PTPRD: variants seen among roughly 807,000 people sequenced by gnomAD.
PTPRD encodes the protein receptor-type tyrosine-protein phosphatase delta.
Under a neutral mutation model 214.5 loss-of-function variants are expected in PTPRD, and 34 were observed. The ratio of observed to expected loss-of-function variants is 0.16; its 90% CI spans 0.12 to 0.21. The LOEUF is 0.21. Among genes scored for constraint, PTPRD ranks in the 10% least tolerant of loss-of-function variants. The pLI is 1.00. For synonymous variants in PTPRD, 1,128 were observed against 845.7 expected (o/e 1.33, Z -5.79); for missense variants, 2,545 against 2,398.7 (o/e 1.06, Z -1.27).
chr9:8,968,836 C>A (rs2099217422), intron 11 of PTPRD, among the ~76,000 whole-genome samples: 1 of 151,946 alleles, frequency 6.6e-6, no homozygotes, highest in South Asian at 2.1e-4. Context: ...AAAGCAAGAT[C>A]ATTGAGACAA....
At chr9:10,084,677 G>C (rs1217512379) in intron 3 of PTPRD, among the ~76,000 whole-genome samples, 1 of 150,192 alleles carries the variant, frequency 6.7e-6, no homozygotes, top group African/African-American at 2.5e-5. Flanking sequence ...TTTTTTTTTA[G>C]GTTTTACAAG....
chr9:9,331,371 T>C (rs961988007), intron 9 of PTPRD, among the ~76,000 whole-genome samples: 6 of 152,126 alleles, frequency 3.9e-5, no homozygotes, highest in African/African-American at 1.4e-4. Flanking sequence ...GGCTCATTCT[T>C]TCTCGGGATA....
intron 4 of PTPRD, among the ~76,000 whole-genome samples, chr9:10,027,789 A>C (rs1195263071): frequency 2.0e-5 from 3 of 152,214 alleles, no homozygotes; most frequent in Non-Finnish European, 1.5e-5. Context: ...TGAAGTTTCC[A>C]GTAAAAGGCA....
chr9:10,202,165 G>C (rs2099428689), intron 3 of PTPRD, among the ~76,000 whole-genome samples: 1 of 152,042 alleles, frequency 6.6e-6, no homozygotes. Context: ...AAGGAATTTA[G>C]TAAAATATAT....
rs2094499566 is a variant in PTPRD at position 9,963,643 on chromosome 9, CA to C, written c.-471-25034del. 2.0e-5 allele frequency among the ~76,000 whole-genome samples: 3 copies of C among 152,216 alleles called. No individual in the cohort carries two copies. In the South Asian group the frequency reaches 6.2e-4, roughly 32 times the overall value. On this transcript the variant is annotated intron_variant, in intron 4 of 45. Transcript: ENST00000381196. Reference sequence around the variant, plus strand: ...ACAACAAAATTTGGGTAGGTAGAGACAGTTGATGTTTAATCATGTAACAGAG... The same window carrying C: ...ACAACAAAATTTGGGTAGGTAGAGACGTTGATGTTTAATCATGTAACAGAG...
intron 9 of PTPRD, among the ~76,000 whole-genome samples, chr9:9,386,417 G>C (rs777462778): frequency 4.6e-5 from 7 of 152,124 alleles, no homozygotes; most frequent in African/African-American, 1.4e-4. Context: ...GCAAATAAGA[G>C]AATGAAGAGT....
intron 18 of PTPRD, 189 bp downstream of exon 18, chr9:8,524,734 CAA>C (rs751162238): frequency 8.2e-6 from 6 of 728,320 alleles, no homozygotes; most frequent in Non-Finnish European, 1.5e-5. Context: ...AGATTATACT[CAA>C]GAGTTGTCTT....
In PTPRD at chr9:9,781,697, G is replaced by A. The variant is rs190440352; in HGVS notation, c.-367-14846C>T. Among the ~76,000 whole-genome samples, 721 of 152,114 alleles carry A rather than the reference G, an allele frequency of 4.7e-3. 1 individual carries two copies. The highest frequency in any genetic ancestry group is 7.5e-3 in the Non-Finnish European group (508 of 67,990). On this transcript the variant is annotated intron_variant, in intron 5 of 45. Coordinates refer to ENST00000381196, the MANE Select transcript of PTPRD (RefSeq NM_002839.4). ...ATGAACTTTACAACTTTCTCGAAAA[G>A]ACTATTCTCTCTCTATCCAGTAGGT...
At chr9:10,396,974 T>C in intron 2 of PTPRD, among the ~76,000 whole-genome samples, 1 of 151,926 alleles carries the variant, frequency 6.6e-6, no homozygotes, top group Admixed American at 6.6e-5. Context: ...CAATTGCAGG[T>C]CACATACCTA....
At chr9:10,144,404 T>C (rs141472783) in intron 3 of PTPRD, among the ~76,000 whole-genome samples, 2,462 of 152,220 alleles carry the variant, frequency 0.016, 59 homozygotes, top group African/African-American at 0.056. Flanking sequence ...GCTGATCAAA[T>C]TTGAGCTGCT....
At chr9:8,352,884 G>A (rs1024376094) in intron 39 of PTPRD, among the ~76,000 whole-genome samples, 19 of 152,018 alleles carry the variant, frequency 1.2e-4, no homozygotes, top group South Asian at 2.1e-4. Context: ...AGGCTGAGGC[G>A]GACGGATCAC....
intron 10 of PTPRD, among the ~76,000 whole-genome samples, chr9:9,095,301 A>C (rs1223127982): frequency 6.6e-6 from 1 of 152,146 alleles, no homozygotes; most frequent in Non-Finnish European, 1.5e-5. Context: ...AATAGAAAGA[A>C]AAAAATAAAA....
intron 3 of PTPRD, among the ~76,000 whole-genome samples, chr9:10,318,098 T>C (rs903867014): frequency 1.2e-4 from 18 of 152,060 alleles, no homozygotes; most frequent in African/African-American, 4.3e-4. Flanking sequence ...TTGGCTAATA[T>C]TTTGACAGAA....
intron 3 of PTPRD, among the ~76,000 whole-genome samples, chr9:10,201,421 G>C (rs773184318): frequency 1.3e-5 from 2 of 151,976 alleles, no homozygotes; most frequent in Non-Finnish European, 2.9e-5. Context: ...AATGTTTAAA[G>C]CATAGATCTT....
At chr9:9,702,910 C>T (rs1462510570) in intron 7 of PTPRD, among the ~76,000 whole-genome samples, 1 of 152,116 alleles carries the variant, frequency 6.6e-6, no homozygotes, top group East Asian at 1.9e-4. Flanking sequence ...TCCGTAAAGC[C>T]AATCCATACA....
At chr9:9,079,556 G>C (rs2099756091) in intron 10 of PTPRD, among the ~76,000 whole-genome samples, 1 of 151,958 alleles carries the variant, frequency 6.6e-6, no homozygotes, top group African/African-American at 2.4e-5. Flanking sequence ...ATTTGTAGTT[G>C]TTTGAGGAAC....
At chr9:9,582,416 C>A (rs189185783) in intron 7 of PTPRD, among the ~76,000 whole-genome samples, 32 of 152,150 alleles carry the variant, frequency 2.1e-4, no homozygotes, top group African/African-American at 7.7e-4. Flanking sequence ...CTTTGTTTAT[C>A]AGACTCCCAA....
At position 8,595,970 on chromosome 9, in the gene PTPRD, A is replaced by G. The variant is rs181255290; in HGVS notation, c.352+37347T>C. Among the ~76,000 whole-genome samples the G allele has an allele frequency of 6.6e-3, 1,002 of 152,320 alleles. 7 individuals carry two copies. The highest frequency in any genetic ancestry group is 0.021 in the African/African-American group (869 of 41,566). ...GCCATTGTATATCGCTACAAATCATAGGTTAAGTTCCTGGAAGGAAATAAC... is the reference window on the plus strand; with the variant it reads ...GCCATTGTATATCGCTACAAATCATGGGTTAAGTTCCTGGAAGGAAATAAC... On this transcript the variant is annotated intron_variant, in intron 14 of 45. Transcript: ENST00000381196.
intron 8 of PTPRD, among the ~76,000 whole-genome samples, chr9:9,416,659 T>C (rs1437987180): frequency 6.6e-6 from 1 of 152,160 alleles, no homozygotes; most frequent in African/African-American, 2.4e-5. Flanking sequence ...GACTTTAACA[T>C]GCTCTGCTTT....
Sources: gnomAD v4.1 joint callset for allele counts (sites outside exome capture counted in the v4.1 genomes callset) on GRCh38, gnomAD v4.1.1 for gene constraint, MANE v1.5 for transcripts, NCBI Gene and HGNC (gene_info 2026-07-23, HGNC 2026-07-21) for gene names.